SOCS5: variants seen among roughly 807,000 people sequenced by gnomAD.
The protein encoded by SOCS5 is CIS-6.
SOCS5 carries 32 observed loss-of-function variants against 42.8 expected under a neutral mutation model. The observed-to-expected ratio is 0.75, with a 90% CI of 0.56 to 1.01. The LOEUF (loss-of-function observed/expected upper bound fraction) is 1.01, where lower values mean the gene tolerates loss of function less well. Among genes scored for constraint, SOCS5 ranks in the 50% least tolerant of loss-of-function variants. The probability of loss-of-function intolerance (pLI) is 0.00; values close to 1 mark genes in which losing one functional copy is unlikely to be tolerated. For missense variants in SOCS5, 627 were observed against 653.0 expected (o/e 0.96, Z 0.43); for synonymous variants, 283 against 229.6 (o/e 1.23, Z -2.10).
intron 1 of SOCS5, among the ~76,000 whole-genome samples, chr2:46,719,012 G>A (rs543412249): frequency 2.0e-5 from 3 of 152,134 alleles, no homozygotes; most frequent in Non-Finnish European, 4.4e-5. Context: ...TATTTATAAT[G>A]TTGAAAAATT....
intron 1 of SOCS5, among the ~76,000 whole-genome samples, chr2:46,719,947 A>G (rs549718269): frequency 6.7e-4 from 102 of 152,330 alleles, no homozygotes; most frequent in Non-Finnish European, 1.2e-3. Flanking sequence ...TAAAGAAAGC[A>G]AAGGTAATTT....
At position 46,733,484 on chromosome 2, in the gene SOCS5, G is replaced by GA. The variant is rs1203827335; in HGVS notation, c.-12-25034dup. Among the ~76,000 whole-genome samples, 4 of 150,572 alleles carry GA rather than the reference G, an allele frequency of 2.7e-5. No individual in the cohort carries two copies. In the East Asian group the frequency reaches 7.8e-4, roughly 30 times the overall value. On this transcript the variant is annotated intron_variant, in intron 1 of 1. Transcript: ENST00000394861. Reference sequence around the variant, plus strand: ...GCACTTTGGGAAACTGAAGTGGGGGGATCACATGAGTCCAGGAGGTCGAGG... The same window carrying GA: ...GCACTTTGGGAAACTGAAGTGGGGGGAATCACATGAGTCCAGGAGGTCGAGG...
At chr2:46,743,720 A>G (rs972862312) in intron 1 of SOCS5, among the ~76,000 whole-genome samples, 3 of 152,186 alleles carry the variant, frequency 2.0e-5, no homozygotes, top group African/African-American at 7.2e-5. Flanking sequence ...ACATATGTAT[A>G]CTTGAACATT....
At chr2:46,707,775 G>A (rs1450568985) in intron 1 of SOCS5, among the ~76,000 whole-genome samples, 2 of 152,134 alleles carry the variant, frequency 1.3e-5, no homozygotes, top group Non-Finnish European at 2.9e-5. Flanking sequence ...AATGCTCCTC[G>A]ACTTACAATG....
chr2:46,704,408 C>T (rs543714763), intron 1 of SOCS5, among the ~76,000 whole-genome samples: 2 of 152,082 alleles, frequency 1.3e-5, no homozygotes, highest in African/African-American at 2.4e-5. Flanking sequence ...GGAAATGATA[C>T]GGGAACTGCA....
Position 46,758,642 on chromosome 2 carries a change from TTGTC to T in SOCS5, c.117_120del (p.Val40LysfsTer7), listed in dbSNP as rs1347383255. ...TGTGGACATGAACTCCAACAGATGT[TTGTC>T]TGTCAAAGAGAAAAACATCAGCATA... On this transcript the variant is annotated frameshift_variant, in exon 2 of 2. Coordinates refer to ENST00000394861, the MANE Select transcript of SOCS5 (RefSeq NM_144949.3). LOFTEE classifies it high-confidence loss of function. The T allele has an allele frequency of 1.2e-6, 2 of 1,614,024 alleles. No individual in the cohort carries two copies. The highest frequency in any genetic ancestry group is 1.7e-6 in the Non-Finnish European group (2 of 1,179,924).
intron 1 of SOCS5, among the ~76,000 whole-genome samples, chr2:46,717,826 C>G (rs576182279): frequency 6.6e-6 from 1 of 152,120 alleles, no homozygotes; most frequent in Middle Eastern, 3.2e-3. Flanking sequence ...TAATGTCTCC[C>G]GGACCTGTGC....
At chr2:46,741,960 T>C (rs745677381) in intron 1 of SOCS5, among the ~76,000 whole-genome samples, 4 of 152,244 alleles carry the variant, frequency 2.6e-5, no homozygotes, top group Non-Finnish European at 4.4e-5. Flanking sequence ...GTACATAATA[T>C]ACAATTTCCT....
intron 1 of SOCS5, among the ~76,000 whole-genome samples, chr2:46,740,909 A>G (rs893860752): frequency 6.6e-6 from 1 of 152,130 alleles, no homozygotes; most frequent in African/African-American, 2.4e-5. Context: ...AGCCATACAC[A>G]CCCACATTTG....
chr2:46,744,285 C>G (rs1339729676), intron 1 of SOCS5, among the ~76,000 whole-genome samples: 1 of 152,154 alleles, frequency 6.6e-6, no homozygotes, highest in Non-Finnish European at 1.5e-5. Context: ...CCACCACACC[C>G]AGCCCTTTGA....
intron 1 of SOCS5, among the ~76,000 whole-genome samples, chr2:46,732,508 C>G (rs376827759): frequency 2.3e-4 from 35 of 152,344 alleles, no homozygotes; most frequent in African/African-American, 7.7e-4. Context: ...AAAAGAAACA[C>G]TGTTAATGAA....
intron 1 of SOCS5, among the ~76,000 whole-genome samples, chr2:46,709,755 A>G (rs17035540): frequency 0.065 from 9,949 of 152,282 alleles, 362 homozygotes; most frequent in Middle Eastern, 0.12. Flanking sequence ...AAAATTGAAC[A>G]TGAACAGAGG....
intron 1 of SOCS5, among the ~76,000 whole-genome samples, chr2:46,754,296 C>G (rs1009981801): frequency 6.6e-6 from 1 of 152,154 alleles, no homozygotes; most frequent in African/African-American, 2.4e-5. Context: ...CAGATGAATT[C>G]TTAGCTTAAA....
chr2:46,720,277 G>T lies in SOCS5; in HGVS notation c.-13+20828G>T, dbSNP rs116631245. The stretch of plus-strand genomic sequence containing the variant: ...TGAATTTGAAGTCTTGAACTTAAAG[G>T]TTCACTTGATCTTGATTCCTGCAGA... On this transcript the variant is annotated intron_variant, in intron 1 of 1. Coordinates refer to ENST00000394861, the MANE Select transcript of SOCS5 (RefSeq NM_144949.3). Among the ~76,000 whole-genome samples the T allele has an allele frequency of 8.3e-3, 1,268 of 152,204 alleles. 8 individuals carry two copies. The highest frequency in any genetic ancestry group is 0.014 in the African/African-American group (596 of 41,522).
At position 46,759,998 on chromosome 2, in the gene SOCS5, G is replaced by A; in HGVS notation, c.1468G>A (p.Ala490Thr). 2.5e-6 allele frequency: 4 copies of A among 1,614,086 alleles called. No homozygotes were observed. Among genetic ancestry groups the A allele is most frequent in the Non-Finnish European group, 3.4e-6 (4 of 1,180,004 alleles). ...FPFSLQYICR[A>T]VICRCTTYDG... ...TTTTAGCCTGCAGTATATCTGTCGC[G>A]CGGTAATCTGCAGGTGCACTACGTA... The change falls in exon 2 of 2, where the codon GCG (alanine) becomes ACG (threonine). Residue 490 changes from alanine (A) to threonine (T), a missense_variant. Physicochemically the swap from Ala to Thr is moderately conservative, Grantham distance 58. This residue lies in a region of SOCS5 where 340 missense variants were observed against 367.6 expected (regional missense o/e 0.92). Coordinates refer to ENST00000394861, the MANE Select transcript of SOCS5 (RefSeq NM_144949.3).
intron 1 of SOCS5, among the ~76,000 whole-genome samples, chr2:46,737,327 C>G (rs1239431619): frequency 1.3e-5 from 2 of 152,092 alleles, no homozygotes; most frequent in African/African-American, 2.4e-5. Flanking sequence ...CATGACTGGA[C>G]AATGAGAAGA....
intron 1 of SOCS5, among the ~76,000 whole-genome samples, chr2:46,750,641 C>T (rs544301890): frequency 6.6e-6 from 1 of 152,188 alleles, no homozygotes; most frequent in South Asian, 2.1e-4. Context: ...CCATTTGTTA[C>T]AATAATACCA....
rs978110516 is a variant in SOCS5, at chr2:46,699,912, C to A, written c.-13+463C>A. Among the ~76,000 whole-genome samples, 1 of 151,986 alleles carries A rather than the reference C, an allele frequency of 6.6e-6. No homozygotes were observed. Among genetic ancestry groups the A allele is most frequent in the Non-Finnish European group, 1.5e-5 (1 of 68,002 alleles). ...GGCTCCAAGAGCCCGATCTGGGGGT[C>A]TTCAAGGTCGAGGAGAAAAGATCCT... On this transcript the variant is annotated intron_variant, in intron 1 of 1. Transcript: ENST00000394861. This position sits in a 1 kb window ranked among gnomAD's most constrained non-coding sequence, Gnocchi z 4.8.
chr2:46,756,200 T>G (rs1033627042), intron 1 of SOCS5, among the ~76,000 whole-genome samples: 2 of 152,204 alleles, frequency 1.3e-5, no homozygotes, highest in African/African-American at 2.4e-5. Flanking sequence ...ATAATTTGCA[T>G]GTCAGAGAAG....
Sources: allele counts gnomAD v4.1 joint callset (sites outside exome capture counted in the v4.1 genomes callset), GRCh38; gene constraint gnomAD v4.1.1; regional missense constraint gnomAD v4.1.1; non-coding constraint Gnocchi (gnomAD v3.1); transcripts MANE v1.5; gene names NCBI Gene and HGNC (gene_info 2026-07-23, HGNC 2026-07-21).